LRRFIP1: variants seen among roughly 807,000 people sequenced by gnomAD.
The protein encoded by LRRFIP1 is LRR binding FLII interacting protein 1, also known as leucine-rich repeat flightless-interacting protein 1.
Under a neutral mutation model 104.4 loss-of-function variants are expected in LRRFIP1, and 62 were observed. The observed-to-expected ratio is 0.59, with a 90% confidence interval of 0.48 to 0.73. The LOEUF is 0.73. LRRFIP1 is among the 30% of genes least tolerant of loss of function. The pLI is 0.00. For synonymous variants in LRRFIP1, 300 were observed against 299.0 expected, an observed-to-expected ratio of 1.00 and a Z score of -0.03; for missense variants, 796 against 824.5, an observed-to-expected ratio of 0.97 and a Z score of 0.42.
At chr2:237,646,028 A>C (rs2084857878) in intron 1 of LRRFIP1, among the ~76,000 whole-genome samples, 1 of 151,914 alleles carries the variant, frequency 6.6e-6, no homozygotes, top group Admixed American at 6.6e-5. Context: ...AACAGACAAC[A>C]ACAGAGCCCG....
At chr2:237,677,923 G>C (rs1031307236) in intron 1 of LRRFIP1, among the ~76,000 whole-genome samples, 1 of 152,138 alleles carries the variant, frequency 6.6e-6, no homozygotes, top group Non-Finnish European at 1.5e-5. Flanking sequence ...AATAATCGTA[G>C]AGTGTTAGAG....
intron 1 of LRRFIP1, among the ~76,000 whole-genome samples, chr2:237,669,103 G>A (rs910285579): frequency 1.1e-4 from 17 of 152,122 alleles, no homozygotes; most frequent in Middle Eastern, 3.2e-3. Context: ...GCACCATCAC[G>A]TCCTCACTTC....
At chr2:237,635,462 C>T (rs1350036842) in intron 1 of LRRFIP1, among the ~76,000 whole-genome samples, 2 of 152,106 alleles carry the variant, frequency 1.3e-5, no homozygotes, top group Admixed American at 1.3e-4. Context: ...ACTCTTCATG[C>T]TCTTGATATT....
intron 19 of LRRFIP1, chr2:237,764,873 A>G: frequency 1.0e-6 from 1 of 985,664 alleles, no homozygotes; most frequent in South Asian, 4.7e-5. Flanking sequence ...GATGTATCAA[A>G]TTCATTTTAT....
intron 20 of LRRFIP1, chr2:237,770,376 T>G (rs1424641303): frequency 1.1e-5 from 2 of 185,376 alleles, no homozygotes; most frequent in Admixed American, 5.5e-5. Flanking sequence ...CCATATGGGT[T>G]GTTTGTCCAT....
intron 19 of LRRFIP1, among the ~76,000 whole-genome samples, chr2:237,768,041 G>C (rs147642824): frequency 1.4e-3 from 206 of 152,238 alleles, no homozygotes; most frequent in African/African-American, 4.7e-3. Flanking sequence ...GCTGATACAG[G>C]GAAAAATTTC....
At chr2:237,762,660 A>G in intron 19 of LRRFIP1, 1 of 1,611,912 alleles carries the variant, frequency 6.2e-7, no homozygotes, top group South Asian at 1.1e-5. Context: ...GGGAAAAGAG[A>G]AATCTTGCAC....
chr2:237,760,227 G>T (rs1308724244), intron 19 of LRRFIP1, 22 bp downstream of exon 19: 14 of 1,612,666 alleles, frequency 8.7e-6, no homozygotes, highest in Non-Finnish European at 1.2e-5. Flanking sequence ...CTTTCCTTCG[G>T]CTCCTCACAC....
At chr2:237,656,737 T>C (rs1374094280) in intron 1 of LRRFIP1, among the ~76,000 whole-genome samples, 1 of 152,236 alleles carries the variant, frequency 6.6e-6, no homozygotes, top group Non-Finnish European at 1.5e-5. Flanking sequence ...GCAAAAAATA[T>C]AATCAGAAGA....
At chr2:237,731,661 C>T (rs10164591) in intron 8 of LRRFIP1, among the ~76,000 whole-genome samples, 19,201 of 152,144 alleles carry the variant, frequency 0.13, 2,780 homozygotes, top group African/African-American at 0.36. Flanking sequence ...AACTCATTTT[C>T]GATAAGCTGA....
In LRRFIP1 at chr2:237,661,547, T is replaced by C. The variant is rs1255552015; in HGVS notation, c.96+33807T>C. On this transcript the variant is annotated intron_variant, in intron 1 of 23. Coordinates refer to ENST00000308482, the MANE Select transcript of LRRFIP1 (RefSeq NM_001137550.2). This position sits in a 1 kb window ranked among gnomAD's most constrained non-coding sequence, Gnocchi z 4.4. Reference sequence around the variant, plus strand: ...CGGCCCCTGGTTCACCTTCTGTTCCTGCCCAGGGCAAACTGCCCTATGTGC... The same window carrying C: ...CGGCCCCTGGTTCACCTTCTGTTCCCGCCCAGGGCAAACTGCCCTATGTGC... Among the ~76,000 whole-genome samples the C allele has an allele frequency of 2.6e-5, 4 of 152,248 alleles. No individual in the cohort carries two copies. The highest frequency in any genetic ancestry group is 9.6e-5 in the African/African-American group (4 of 41,460).
At chr2:237,759,466 C>T (rs957426654) in intron 18 of LRRFIP1, among the ~76,000 whole-genome samples, 108 of 152,220 alleles carry the variant, frequency 7.1e-4, no homozygotes, top group African/African-American at 2.5e-3. Flanking sequence ...CTTGAAGAGG[C>T]GATCAGTTCA....
At chr2:237,734,273 CTT>C (rs71870330) in intron 9 of LRRFIP1, among the ~76,000 whole-genome samples, 3 of 90,196 alleles carry the variant, frequency 3.3e-5, no homozygotes, top group East Asian at 3.1e-4. Flanking sequence ...TGTTAATAAC[CTT>C]TTTTTTTTTT....
intron 8 of LRRFIP1, among the ~76,000 whole-genome samples, chr2:237,733,418 A>G (rs1273085652): frequency 1.3e-5 from 2 of 152,090 alleles, no homozygotes. Flanking sequence ...TTAACCTTGG[A>G]TTTGAGCTGT....
rs2094114719 is a variant in LRRFIP1, at chr2:237,711,917, G to A, written c.184-2342G>A. Among the ~76,000 whole-genome samples, 3 of 152,246 alleles carry A rather than the reference G, an allele frequency of 2.0e-5. No individual in the cohort carries two copies. Among genetic ancestry groups the A allele is most frequent in the African/African-American group, 7.2e-5 (3 of 41,464 alleles). On this transcript the variant is annotated intron_variant, in intron 2 of 23. Transcript: ENST00000308482. This position sits in a 1 kb window ranked among gnomAD's most constrained non-coding sequence, Gnocchi z 4.4. ...GCCCAGCGCAGCACGCGTTCCTAAC[G>A]GCGGCAACGGTGCCTTCATGAATTT...
intron 1 of LRRFIP1, among the ~76,000 whole-genome samples, chr2:237,674,334 G>A (rs183354078): frequency 3.3e-5 from 5 of 152,348 alleles, no homozygotes; most frequent in South Asian, 2.1e-4. Context: ...GGGCAAGGAC[G>A]CAAGGGCAGT....
intron 1 of LRRFIP1, among the ~76,000 whole-genome samples, chr2:237,685,112 CCCCCCA>C (rs1340162152): frequency 6.7e-6 from 1 of 149,782 alleles, no homozygotes; most frequent in Non-Finnish European, 1.5e-5. Flanking sequence ...CTACCCTCCC[CCCCCCA>C]CACAAAAAAA....
chr2:237,755,142 C>T (rs1158506148), intron 15 of LRRFIP1, among the ~76,000 whole-genome samples: 2 of 152,164 alleles, frequency 1.3e-5, no homozygotes, highest in Non-Finnish European at 2.9e-5. Flanking sequence ...GGTCTCAGGC[C>T]GTCACCAGGG....
At chr2:237,696,966 C>G (rs2093228359) in intron 1 of LRRFIP1, among the ~76,000 whole-genome samples, 2 of 152,234 alleles carry the variant, frequency 1.3e-5, no homozygotes, top group Admixed American at 1.3e-4. Context: ...TCAAACTTTT[C>G]TGTTCTCTGC....
Sources: allele counts gnomAD v4.1 joint callset (sites outside exome capture counted in the v4.1 genomes callset), GRCh38; gene constraint gnomAD v4.1.1; non-coding constraint Gnocchi (gnomAD v3.1); transcripts MANE v1.5; gene names NCBI Gene and HGNC (gene_info 2026-07-23, HGNC 2026-07-21).